Variants in AGBL1 observed in about 807,000 individuals in gnomAD.
AGBL1 encodes cytosolic carboxypeptidase 4.
In AGBL1, 130 loss-of-function variants were observed where a neutral mutation model predicts 118.9. The ratio of observed to expected loss-of-function variants is 1.09; its 90% confidence interval spans 0.95 to 1.26. The LOEUF (loss-of-function observed/expected upper bound fraction) is 1.26. AGBL1 is among the 50% of genes most tolerant of loss of function. The pLI is 0.00. For missense variants in AGBL1, 1,584 were observed against 1,298.1 expected (o/e 1.22, Z -3.38); for synonymous variants, 555 against 478.9 (o/e 1.16, Z -2.08).
chr15:86,328,197 CA>C (rs1420802359), intron 17 of AGBL1, among the ~76,000 whole-genome samples: 3 of 152,134 alleles, frequency 2.0e-5, no homozygotes, highest in Non-Finnish European at 4.4e-5. Flanking sequence ...CATGAGAGAT[CA>C]AGTTAATGCT....
At chr15:87,016,468 A>C (rs549998105) in intron 24 of AGBL1, among the ~76,000 whole-genome samples, 97 of 152,302 alleles carry the variant, frequency 6.4e-4, no homozygotes, top group African/African-American at 2.3e-3. Context: ...AGGAAGTCTC[A>C]ACAAAATACT....
Position 86,430,848 on chromosome 15 carries a change from G to A in AGBL1, c.2555+33302G>A, listed in dbSNP as rs527997729. Reference sequence around the variant, plus strand: ...TGTGATACATATACATTTTTAAAATGAATTATTAAACTGGTTGTTTACTAT... The same window carrying A: ...TGTGATACATATACATTTTTAAAATAAATTATTAAACTGGTTGTTTACTAT... On this transcript the variant is annotated intron_variant, in intron 18 of 22. Coordinates refer to ENST00000614907, the MANE Select transcript of AGBL1 (RefSeq NM_001386094.1). 1.4e-4 allele frequency among the ~76,000 whole-genome samples: 22 copies of A among 152,244 alleles called. No individual in the cohort carries two copies. The Middle Eastern group carries it at 0.014, about 94-fold the overall frequency.
chr15:86,868,714 G>A (rs557237142), intron 22 of AGBL1, among the ~76,000 whole-genome samples: 3 of 152,086 alleles, frequency 2.0e-5, no homozygotes, highest in African/African-American at 2.4e-5. Flanking sequence ...CTGTGACTTC[G>A]CACTGTCTGG....
chr15:86,563,237 G>T (rs553274506), intron 21 of AGBL1, among the ~76,000 whole-genome samples: 2 of 152,002 alleles, frequency 1.3e-5, no homozygotes, highest in Non-Finnish European at 2.9e-5. Context: ...TGTGATGTTA[G>T]GGTGTCAGTT....
intron 17 of AGBL1, among the ~76,000 whole-genome samples, chr15:86,395,758 C>T (rs572529389): frequency 1.4e-3 from 208 of 152,074 alleles, no homozygotes; most frequent in African/African-American, 4.7e-3. Flanking sequence ...AGCAGAAATA[C>T]GGAAGAGACA....
chr15:86,320,216 A>G (rs1044143794), intron 17 of AGBL1, among the ~76,000 whole-genome samples: 2 of 152,200 alleles, frequency 1.3e-5, no homozygotes, highest in African/African-American at 4.8e-5. Flanking sequence ...GGACATTCCT[A>G]TGATATCTAA....
chr15:86,682,514 T>G (rs1339950592), intron 22 of AGBL1, among the ~76,000 whole-genome samples: 1 of 152,156 alleles, frequency 6.6e-6, no homozygotes, highest in Non-Finnish European at 1.5e-5. Flanking sequence ...TTTACTTTTC[T>G]CTGGAGAGCA....
Position 86,659,238 on chromosome 15 carries a change from T to C in AGBL1, c.2995-15035T>C, listed in dbSNP as rs762068481. Among the ~76,000 whole-genome samples the C allele has an allele frequency of 2.2e-4, 33 of 152,234 alleles. 1 individual carries two copies. Among genetic ancestry groups the C allele is most frequent in the Admixed American group, 6.5e-5 (1 of 15,272 alleles). On this transcript the variant is annotated intron_variant, in intron 21 of 22. Coordinates refer to ENST00000614907, the MANE Select transcript of AGBL1 (RefSeq NM_001386094.1). ...CCACTGAATGGCTATGTAGCAGTTA[T>C]GCACTAATAAACAGTGCAAGAATTG... is the stretch of plus-strand genomic sequence containing the variant.
At chr15:86,173,818 T>C (rs1305842053) in intron 5 of AGBL1, among the ~76,000 whole-genome samples, 1 of 152,118 alleles carries the variant, frequency 6.6e-6, no homozygotes, top group Non-Finnish European at 1.5e-5. Context: ...GTTTCTATGA[T>C]AGTACCATGC....
chr15:86,196,879 G>GCACACACACACA (rs59632011), intron 5 of AGBL1, among the ~76,000 whole-genome samples: 22 of 117,012 alleles, frequency 1.9e-4, no homozygotes, highest in East Asian at 4.8e-4. Context: ...GCGCGCGCGC[G>GCACACACACACA]CACACACACA....
At chr15:86,552,557 T>C (rs1358375852) in intron 20 of AGBL1, among the ~76,000 whole-genome samples, 1 of 152,212 alleles carries the variant, frequency 6.6e-6, no homozygotes, top group African/African-American at 2.4e-5. Flanking sequence ...CTATTTATTT[T>C]AGCAAATAAT....
intron 22 of AGBL1, among the ~76,000 whole-genome samples, chr15:86,782,221 T>A (rs538835704): frequency 8.5e-5 from 13 of 152,306 alleles, no homozygotes; most frequent in African/African-American, 3.1e-4. Context: ...CATTTCAAAA[T>A]CTTTATTATT....
chr15:86,297,678 T>A (rs1402613805), intron 17 of AGBL1, among the ~76,000 whole-genome samples: 1 of 152,200 alleles, frequency 6.6e-6, no homozygotes, highest in Non-Finnish European at 1.5e-5. Flanking sequence ...ACTATTTGTA[T>A]GGATTATGTA....
intron 21 of AGBL1, among the ~76,000 whole-genome samples, chr15:86,636,657 T>G (rs1435618514): frequency 1.6e-5 from 2 of 127,022 alleles, no homozygotes; most frequent in African/African-American, 6.0e-5. Context: ...TCAGAAATTT[T>G]TAATCTTATC....
chr15:86,881,658 A>G (rs1436358488), intron 22 of AGBL1, among the ~76,000 whole-genome samples: 4 of 152,132 alleles, frequency 2.6e-5, no homozygotes, highest in African/African-American at 7.2e-5. Flanking sequence ...TATTTAAGAT[A>G]GGGTCTCACT....
intron 18 of AGBL1, among the ~76,000 whole-genome samples, chr15:86,463,145 A>G (rs2082354542): frequency 6.6e-6 from 1 of 152,122 alleles, no homozygotes; most frequent in Admixed American, 6.5e-5. Flanking sequence ...CTGGTGTGAG[A>G]TGGTATCTCA....
Position 86,674,373 on chromosome 15 carries a change from T to C in AGBL1, c.3095T>C (p.Leu1032Pro). The C allele has an allele frequency of 6.2e-7, 1 of 1,613,148 alleles. No homozygotes were observed. Among genetic ancestry groups the C allele is most frequent in the Non-Finnish European group, 8.5e-7 (1 of 1,179,588 alleles). ...ELKSASCSHQ[L>P]LAQAATLLSA... is the part of the protein sequence containing the mutation. ...AAATCTGCCAGCTGCAGCCATCAGC[T>C]CCTGGCTCAAGCTGCAACTCTGCTG... Residue 1032 changes from leucine (L) to proline (P), a missense_variant, in exon 22 of 23, where the codon CTC becomes CCC. Coordinates refer to ENST00000614907, the MANE Select transcript of AGBL1 (RefSeq NM_001386094.1).
intron 22 of AGBL1, among the ~76,000 whole-genome samples, chr15:86,768,351 C>T (rs1328755365): frequency 6.6e-6 from 1 of 151,902 alleles, no homozygotes; most frequent in Non-Finnish European, 1.5e-5. Context: ...CTCATAACAA[C>T]ACAACATAAC....
At chr15:86,878,789 T>A (rs1162013760) in intron 22 of AGBL1, among the ~76,000 whole-genome samples, 2 of 152,236 alleles carry the variant, frequency 1.3e-5, no homozygotes, top group African/African-American at 4.8e-5. Context: ...ATTTTACTCC[T>A]TTTCCTGAAT....
Sources: allele counts gnomAD v4.1 joint callset (sites outside exome capture counted in the v4.1 genomes callset), GRCh38; gene constraint gnomAD v4.1.1; transcripts MANE v1.5; gene names NCBI Gene and HGNC (gene_info 2026-07-23, HGNC 2026-07-21).